ACVR1C: variants seen among roughly 807,000 people sequenced by gnomAD.
ACVR1C encodes activin A receptor type 1C.
In ACVR1C, 23 loss-of-function variants were observed where a neutral mutation model predicts 57.9. The observed-to-expected ratio is 0.40, with a 90% CI of 0.29 to 0.56. The LOEUF (loss-of-function observed/expected upper bound fraction) is 0.56. ACVR1C is among the 20% of genes least tolerant of loss of function. ACVR1C has a pLI of 0.50. For missense variants in ACVR1C, 480 were observed against 607.9 expected (o/e 0.79, Z 2.21); for synonymous variants, 214 against 215.3 (o/e 0.99, Z 0.05).
intron 2 of ACVR1C, among the ~76,000 whole-genome samples, chr2:157,566,705 G>A (rs1215425897): frequency 6.6e-6 from 1 of 151,682 alleles, no homozygotes; most frequent in Non-Finnish European, 1.5e-5. Context: ...GGCTCAGAGG[G>A]TCCTACGCCC....
chr2:157,547,779 T>A (rs1687805586), intron 4 of ACVR1C, among the ~76,000 whole-genome samples: 2 of 151,582 alleles, frequency 1.3e-5, no homozygotes, highest in South Asian at 4.2e-4. Context: ...GCCTGTTCAC[T>A]CTGATGGTAG....
intron 2 of ACVR1C, among the ~76,000 whole-genome samples, chr2:157,568,672 T>C (rs1380152333): frequency 1.4e-5 from 1 of 70,676 alleles, no homozygotes; most frequent in Non-Finnish European, 2.9e-5. Flanking sequence ...CTATCCTAAA[T>C]ATTTATGCAC....
chr2:157,552,185 T>A (rs1558973947), intron 3 of ACVR1C, among the ~76,000 whole-genome samples: 1 of 152,166 alleles, frequency 6.6e-6, no homozygotes, highest in Non-Finnish European at 1.5e-5. Flanking sequence ...CAGGCTGGAG[T>A]GCAGTGGCAT....
rs1403259266 is a variant in ACVR1C at position 157,628,690 on chromosome 2, C to A, written c.-46G>T. 1 of 1,477,632 alleles carries A rather than the reference C, an allele frequency of 6.8e-7. No homozygotes were observed. Among genetic ancestry groups the A allele is most frequent in the Non-Finnish European group, 9.0e-7 (1 of 1,114,636 alleles). The allele number at this position is 1,477,632 out of a possible 1,614,324, so 91.5% of individuals were successfully genotyped here. A position where few individuals can be genotyped will look rare whatever the true frequency, so the allele number is the denominator to read the frequency against. On this transcript the variant is annotated 5_prime_UTR_variant, in exon 1 of 9. Transcript: ENST00000243349. ...GGGGCTGCGAGGCCCCAGAGCAGAG[C>A]GAGGCAGCCGGGGCAGCACGGCCCG...
chr2:157,573,641 A>G (rs1688575865), intron 2 of ACVR1C, among the ~76,000 whole-genome samples: 1 of 152,150 alleles, frequency 6.6e-6, no homozygotes, highest in Non-Finnish European at 1.5e-5. Flanking sequence ...AACCCTAAAA[A>G]GTTCCAGTTT....
chr2:157,566,466 C>T (rs991509956), intron 2 of ACVR1C, among the ~76,000 whole-genome samples: 141 of 152,308 alleles, frequency 9.3e-4, no homozygotes, highest in South Asian at 6.6e-3. Context: ...CATCTCACTA[C>T]GGAGTGCCAG....
intron 2 of ACVR1C, among the ~76,000 whole-genome samples, chr2:157,566,918 C>T (rs1290133882): frequency 6.8e-6 from 1 of 147,942 alleles, no homozygotes; most frequent in Non-Finnish European, 1.5e-5. Flanking sequence ...GGGCAGGGCA[C>T]AGACAAACAA....
chr2:157,601,236 G>C (rs1682273339), intron 1 of ACVR1C, among the ~76,000 whole-genome samples: 1 of 152,032 alleles, frequency 6.6e-6, no homozygotes, highest in Non-Finnish European at 1.5e-5. Context: ...AGAATCACTT[G>C]AACCCGGGAG....
chr2:157,599,116 C>T (rs1405241738), intron 1 of ACVR1C, among the ~76,000 whole-genome samples: 1 of 151,602 alleles, frequency 6.6e-6, no homozygotes, highest in Admixed American at 6.6e-5. Flanking sequence ...AGGCGGATCA[C>T]GAAGTCAGGA....
Position 157,555,101 on chromosome 2 carries a change from C to CTT in ACVR1C, c.544+990_544+991dup, listed in dbSNP as rs60269781. On this transcript the variant is annotated intron_variant, in intron 3 of 8. Transcript: ENST00000243349. The stretch of plus-strand genomic sequence containing the variant: ...ATAATACAGCCTGGTACTTTGAACG[C>CTT]TTTTTTTTTTTTTTTTTTTTTTTTT... 1.8e-3 allele frequency among the ~76,000 whole-genome samples: 148 copies of CTT among 83,948 alleles called. 22 individuals are homozygous for CTT. Among genetic ancestry groups the CTT allele is most frequent in the African/African-American group, 3.7e-3 (63 of 16,854 alleles). The allele number at this position is 83,948 out of a possible 152,430, so 55.1% of individuals were successfully genotyped here.
At chr2:157,610,718 T>G (rs1682512806) in intron 1 of ACVR1C, among the ~76,000 whole-genome samples, 1 of 152,178 alleles carries the variant, frequency 6.6e-6, no homozygotes, top group South Asian at 2.1e-4. Flanking sequence ...TATGAAGAGT[T>G]TGTTCATTCT....
In ACVR1C at chr2:157,530,602, G is replaced by T. The variant is rs1687331053; in HGVS notation, c.*3316C>A. On this transcript the variant is annotated 3_prime_UTR_variant, in exon 9 of 9. Transcript: ENST00000243349. ...TGTAGATTTTCATTTTTAAATAAAA[G>T]CTAATTTTAATTTTTTCAGATACTG... 1 of 151,992 alleles carries T rather than the reference G, an allele frequency of 6.6e-6. No homozygotes were observed. The highest frequency in any genetic ancestry group is 1.5e-5 in the Non-Finnish European group (1 of 67,976). The allele number at this position is 151,992 out of a possible 1,614,324, so 9.4% of individuals were successfully genotyped here.
Position 157,527,454 on chromosome 2 carries a change from T to C in ACVR1C, c.*6464A>G, listed in dbSNP as rs1462308953. ...TGCAATGGTTTTGACATTTGTAATA[T>C]GTTCTTAGGTATAAGAAGAGTCACG... On this transcript the variant is annotated 3_prime_UTR_variant, in exon 9 of 9. Coordinates refer to ENST00000243349, the MANE Select transcript of ACVR1C (RefSeq NM_145259.3). 2 of 152,196 alleles carry C rather than the reference T, an allele frequency of 1.3e-5. No homozygotes were observed. The highest frequency in any genetic ancestry group is 6.5e-5 in the Admixed American group (1 of 15,270). The allele number at this position is 152,196 out of a possible 1,614,324, so 9.4% of individuals were successfully genotyped here.
intron 1 of ACVR1C, 71 bp downstream of exon 1, chr2:157,628,501 C>CGCAGACCT: frequency 6.6e-7 from 1 of 1,521,690 alleles, no homozygotes; most frequent in Non-Finnish European, 9.0e-7. Context: ...GTCCCCCACC[C>CGCAGACCT]CCGTGCTCAC....
chr2:157,539,524 G>T (rs1166503848), intron 7 of ACVR1C, among the ~76,000 whole-genome samples: 1 of 152,140 alleles, frequency 6.6e-6, no homozygotes, highest in African/African-American at 2.4e-5. Flanking sequence ...TACAGTTGAA[G>T]AAAAGTTAAG....
In ACVR1C at chr2:157,628,694, G is replaced by T; in HGVS notation, c.-50C>A. On this transcript the variant is annotated 5_prime_UTR_variant, in exon 1 of 9. Coordinates refer to ENST00000243349, the MANE Select transcript of ACVR1C (RefSeq NM_145259.3). The stretch of plus-strand genomic sequence containing the variant: ...CTGCGAGGCCCCAGAGCAGAGCGAG[G>T]CAGCCGGGGCAGCACGGCCCGCTTT... 6.9e-7 allele frequency: 1 copy of T among 1,451,472 alleles called. No homozygotes were observed. Among genetic ancestry groups the T allele is most frequent in the Non-Finnish European group, 9.1e-7 (1 of 1,096,980 alleles). 89.9% of individuals were successfully genotyped at this position (1,451,472 alleles called of 1,614,324 possible). A position where few individuals can be genotyped will look rare whatever the true frequency, so the allele number is the denominator to read the frequency against.
At chr2:157,539,771 G>T (rs1205891609) in intron 7 of ACVR1C, among the ~76,000 whole-genome samples, 2 of 152,128 alleles carry the variant, frequency 1.3e-5, no homozygotes, top group African/African-American at 2.4e-5. Flanking sequence ...GCTAGTAAGT[G>T]GCAGATCTGG....
At chr2:157,546,098 T>C (rs1440547831) in intron 4 of ACVR1C, among the ~76,000 whole-genome samples, 1 of 152,172 alleles carries the variant, frequency 6.6e-6, no homozygotes, top group African/African-American at 2.4e-5. Context: ...TATTATTTTA[T>C]AATCCAATAA....
intron 2 of ACVR1C, among the ~76,000 whole-genome samples, chr2:157,576,513 C>A (rs1171689463): frequency 3.3e-5 from 5 of 151,954 alleles, no homozygotes; most frequent in African/African-American, 4.8e-5. Flanking sequence ...CTGGAATAAT[C>A]ATTTCTTTGC....
Sources: allele counts gnomAD v4.1 joint callset (sites outside exome capture counted in the v4.1 genomes callset), GRCh38; gene constraint gnomAD v4.1.1; transcripts MANE v1.5; gene names NCBI Gene and HGNC (gene_info 2026-07-23, HGNC 2026-07-21).